ABHD1: variants seen among roughly 807,000 people sequenced by gnomAD.
The protein encoded by ABHD1 is abhydrolase domain containing 1.
ABHD1 carries 47 observed loss-of-function variants against 41.4 expected under a neutral mutation model. The observed-to-expected ratio is 1.13, with a 90% CI of 0.90 to 1.45. The LOEUF is 1.45. Ranked by LOEUF, ABHD1 falls within the 40% of genes most tolerant of loss-of-function variation. ABHD1 has a pLI of 0.00. For synonymous variants in ABHD1, 205 were observed against 203.7 expected (o/e 1.01, Z -0.05); for missense variants, 550 against 503.4 (o/e 1.09, Z -0.89).
At position 27,124,048 on chromosome 2, in the gene ABHD1, G is replaced by T; in HGVS notation, c.100G>T (p.Ala34Ser). Residue 34 changes from alanine to serine, a missense_variant, in exon 1 of 9, where the codon GCA becomes TCA. Transcript: ENST00000316470. ...TGCCCTCTACTTGGGCTACTACTGG[G>T]CATGTGTGCTTCAGGTGGGTGCGGG... ...AVALYLGYYW[A>S]CVLQRPRLVA... is the part of the protein sequence containing the mutation. 2 of 1,614,182 alleles carry T rather than the reference G, an allele frequency of 1.2e-6. No individual in the cohort carries two copies. Among genetic ancestry groups the T allele is most frequent in the Middle Eastern group, 1.6e-4 (1 of 6,062 alleles).
At chr2:27,127,268 G>A (rs1312874601) in intron 1 of ABHD1, among the ~76,000 whole-genome samples, 1 of 124,468 alleles carries the variant, frequency 8.0e-6, no homozygotes, top group Non-Finnish European at 1.6e-5. Flanking sequence ...TTTTTAAGAC[G>A]GTGTTGCTGG....
chr2:27,124,214 T>C (rs754950062), intron 1 of ABHD1, 152 bp downstream of exon 1: 8 of 746,670 alleles, frequency 1.1e-5, no homozygotes, highest in Non-Finnish European at 1.7e-5. Flanking sequence ...TCTGCCTCTC[T>C]AGTGCCTCTG....
Position 27,130,775 on chromosome 2 carries a change from C to G in ABHD1, c.*31C>G. The G allele has an allele frequency of 4.4e-6, 7 of 1,599,406 alleles. No homozygotes were observed. Among genetic ancestry groups the G allele is most frequent in the Non-Finnish European group, 6.0e-6 (7 of 1,167,386 alleles). ...GTACCATTTGGGGTCTCAGTTCACT[C>G]TTTCCTTGTTTATTAAATATCAACT... On this transcript the variant is annotated 3_prime_UTR_variant, in exon 9 of 9. Transcript: ENST00000316470.
rs528464278 is a variant in ABHD1, at chr2:27,124,427, T to C, written c.114+365T>C. 1.9e-5 allele frequency: 7 copies of C among 368,464 alleles called. No homozygotes were observed. The East Asian group carries it at 3.6e-4, about 19-fold the overall frequency. 22.8% of individuals were successfully genotyped at this position (368,464 alleles called of 1,614,324 possible). ...GAAGGAACCAGAGGTCTGTGGGTCATGGCTAACTCCCAATACCACCCACCC... is the reference window on the plus strand; with the variant it reads ...GAAGGAACCAGAGGTCTGTGGGTCACGGCTAACTCCCAATACCACCCACCC... On this transcript the variant is annotated intron_variant, in intron 1 of 8. Transcript: ENST00000316470.
intron 1 of ABHD1, among the ~76,000 whole-genome samples, chr2:27,127,615 G>A (rs1233169613): frequency 6.7e-6 from 1 of 148,256 alleles, no homozygotes; most frequent in Non-Finnish European, 1.5e-5. Flanking sequence ...AGGCTGGAGT[G>A]CAGTGGCACA....
At chr2:27,127,654 C>T (rs982957889) in intron 1 of ABHD1, among the ~76,000 whole-genome samples, 1 of 150,808 alleles carries the variant, frequency 6.6e-6, no homozygotes, top group Middle Eastern at 3.2e-3. Context: ...CTCTGCCTCC[C>T]GGGTTCAAGT....
rs773309161 is a variant in ABHD1, at chr2:27,129,873, ACTCACTGCTCTTCAATCAGCCC to A, written c.747_768del (p.Phe250GlyfsTer12). Reference sequence around the variant, plus strand: ...ACTCGCTCCCTGGAAACCCCACTCAACTCACTGCTCTTCAATCAGCCCCTCACTGCTGGGCTCTGCCAACTTG... The same window carrying A: ...ACTCGCTCCCTGGAAACCCCACTCAACTCACTGCTGGGCTCTGCCAACTTG... On this transcript the variant is annotated frameshift_variant, in exon 6 of 9. Coordinates refer to ENST00000316470, the MANE Select transcript of ABHD1 (RefSeq NM_032604.4). LOFTEE classifies it high-confidence loss of function. 1.2e-6 allele frequency: 2 copies of A among 1,613,996 alleles called. No homozygotes were observed. The highest frequency in any genetic ancestry group is 1.7e-4 in the Middle Eastern group (1 of 6,060).
Position 27,123,868 on chromosome 2 carries a change from G to T in ABHD1, c.-81G>T. On this transcript the variant is annotated 5_prime_UTR_variant, in exon 1 of 9. Coordinates refer to ENST00000316470, the MANE Select transcript of ABHD1 (RefSeq NM_032604.4). Reference sequence around the variant, plus strand: ...CGGACCTGCACAGGCCGCCTATGGCGGGCGGCGGGTGGGACCGCGAGTTAC... The same window carrying T: ...CGGACCTGCACAGGCCGCCTATGGCTGGCGGCGGGTGGGACCGCGAGTTAC... 5.2e-6 allele frequency: 6 copies of T among 1,156,108 alleles called. No homozygotes were observed. Among genetic ancestry groups the T allele is most frequent in the Non-Finnish European group, 7.4e-6 (6 of 810,298 alleles). The allele number at this position is 1,156,108 out of a possible 1,614,324, so 71.6% of individuals were successfully genotyped here. A position where few individuals can be genotyped will look rare whatever the true frequency, so the allele number is the denominator to read the frequency against.
chr2:27,127,713 C>T (rs1672029097), intron 1 of ABHD1, among the ~76,000 whole-genome samples: 1 of 151,564 alleles, frequency 6.6e-6, no homozygotes, highest in Non-Finnish European at 1.5e-5. Context: ...AGGTGCTCAC[C>T]ACCATGCCTG....
At chr2:27,124,692 C>G in intron 1 of ABHD1, 2 of 187,960 alleles carry the variant, frequency 1.1e-5, no homozygotes, top group South Asian at 1.7e-4. Flanking sequence ...AAAGCCAAAT[C>G]TCTTCATCTT....
At position 27,130,423 on chromosome 2, in the gene ABHD1, A is replaced by G; in HGVS notation, c.1006+7A>G. On this transcript the variant is annotated splice_region_variant and intron_variant, in intron 8 of 8. Transcript: ENST00000316470. Reference sequence around the variant, plus strand: ...CCCTTCTCCCCCGTCTGTGGTGAGTACTCTGATTCAGGACACTTTGGCCCC... The same window carrying G: ...CCCTTCTCCCCCGTCTGTGGTGAGTGCTCTGATTCAGGACACTTTGGCCCC... 1 of 1,613,982 alleles carries G rather than the reference A, an allele frequency of 6.2e-7. No homozygotes were observed. The highest frequency in any genetic ancestry group is 8.5e-7 in the Non-Finnish European group (1 of 1,179,926).
chr2:27,127,130 A>G (rs1164215533), intron 1 of ABHD1, among the ~76,000 whole-genome samples: 1 of 150,768 alleles, frequency 6.6e-6, no homozygotes, highest in African/African-American at 2.4e-5. Flanking sequence ...ACCCCTTGGC[A>G]GTGAGCAAGA....
intron 8 of ABHD1, 40 bp downstream of exon 8, chr2:27,130,456 A>T (rs1672189647): frequency 2.5e-6 from 4 of 1,613,118 alleles, no homozygotes; most frequent in Middle Eastern, 3.3e-4. Context: ...CCCAAGGAAA[A>T]TGGGCCATGA....
rs540147379 is a variant in ABHD1, at chr2:27,130,284, A to C, written c.874A>C (p.Thr292Pro). 2 of 1,614,210 alleles carry C rather than the reference A, an allele frequency of 1.2e-6. No individual in the cohort carries two copies. Among genetic ancestry groups the C allele is most frequent in the Admixed American group, 1.7e-5 (1 of 60,024 alleles). The stretch of plus-strand genomic sequence containing the variant: ...AATCCGCCAGTTTGATGAGCGCTAC[A>C]CATCTGTGGCCTTTGGATATCAAGA... ...RTIRQFDERY[T>P]SVAFGYQDCV... is the part of the protein sequence containing the mutation. The change falls in exon 8 of 9, where the codon ACA becomes CCA. Residue 292 changes from threonine to proline, a missense_variant. By Grantham distance (38) the Thr-to-Pro change is conservative. Coordinates refer to ENST00000316470, the MANE Select transcript of ABHD1 (RefSeq NM_032604.4).
intron 2 of ABHD1, 21 bp from the exon 3 acceptor site, chr2:27,128,924 T>TGCCTC: frequency 6.2e-7 from 1 of 1,608,854 alleles, no homozygotes; most frequent in Non-Finnish European, 8.5e-7. Flanking sequence ...TATCTTTGTG[T>TGCCTC]GCCTCTTCCT....
At chr2:27,128,338 G>A (rs1277141038) in intron 1 of ABHD1, 103 bp from the exon 2 acceptor site, 8 of 1,438,114 alleles carry the variant, frequency 5.6e-6, no homozygotes, top group Non-Finnish European at 7.8e-6. Flanking sequence ...GGGTCCTCCA[G>A]GCTGGGCTCT....
At chr2:27,127,225 T>G (rs1671994446) in intron 1 of ABHD1, among the ~76,000 whole-genome samples, 1 of 144,916 alleles carries the variant, frequency 6.9e-6, no homozygotes, top group South Asian at 2.2e-4. Flanking sequence ...AAGAAGACAG[T>G]GTAGCTTCAT....
chr2:27,129,759 T>C lies in ABHD1; in HGVS notation c.623T>C (p.Leu208Pro), dbSNP rs542093633. The C allele has an allele frequency of 1.9e-6, 3 of 1,614,150 alleles. No homozygotes were observed. The East Asian group carries it at 6.7e-5, about 36-fold the overall frequency. Residue 208 changes from leucine (L) to proline (P), a missense_variant, in exon 6 of 9, where the codon CTG (leucine) becomes CCG (proline). Physicochemically the swap from Leu to Pro is moderately conservative, Grantham distance 98. Coordinates refer to ENST00000316470, the MANE Select transcript of ABHD1 (RefSeq NM_032604.4). The stretch of plus-strand genomic sequence containing the variant: ...TCCCTTGTCCAATTCCACAGGATAC[T>C]GGTGCTGAATCACCTGGCACAGGCC... ...LAVGISFGGI[L>P]VLNHLAQARQ...
At chr2:27,128,716 C>G (rs1672081497) in intron 2 of ABHD1, 115 bp downstream of exon 2, 2 of 1,417,446 alleles carry the variant, frequency 1.4e-6, no homozygotes, top group African/African-American at 2.8e-5. Context: ...GTTGAGGGTT[C>G]AATGACAATG....
Sources: allele counts gnomAD v4.1 joint callset (sites outside exome capture counted in the v4.1 genomes callset), GRCh38; gene constraint gnomAD v4.1.1; transcripts MANE v1.5; gene names NCBI Gene and HGNC (gene_info 2026-07-23, HGNC 2026-07-21).